Variants in ADAMTS17 observed in about 807,000 individuals in gnomAD.
The protein encoded by ADAMTS17 is A disintegrin and metalloproteinase with thrombospondin motifs 17.
A neutral mutation model predicts 141.5 loss-of-function variants in ADAMTS17; 113 were observed. The observed-to-expected ratio is 0.80, with a 90% confidence interval of 0.69 to 0.93. ADAMTS17 has a LOEUF of 0.93. Among genes scored for constraint, ADAMTS17 ranks in the 40% least tolerant of loss-of-function variants. The pLI is 0.00. For missense variants in ADAMTS17, 1,659 were observed against 1,517.9 expected (o/e 1.09, Z -1.54); for synonymous variants, 768 against 630.6 (o/e 1.22, Z -3.27).
At chr15:100,066,115 C>T (rs902785377) in intron 15 of ADAMTS17, among the ~76,000 whole-genome samples, 22 of 152,118 alleles carry the variant, frequency 1.4e-4, no homozygotes, top group African/African-American at 4.8e-5. Context: ...TTTCTTTATC[C>T]AGTCTATCAT....
chr15:100,324,321 A>G (rs77095411), intron 3 of ADAMTS17, among the ~76,000 whole-genome samples: 4 of 152,174 alleles, frequency 2.6e-5, no homozygotes, highest in Admixed American at 2.6e-4. Flanking sequence ...ATAAATAAAT[A>G]GAAAAAAAAA....
At position 100,310,047 on chromosome 15, in the gene ADAMTS17, G is replaced by A. The variant is rs747551341; in HGVS notation, c.616+20842C>T. Among the ~76,000 whole-genome samples, 12 of 152,292 alleles carry A rather than the reference G, an allele frequency of 7.9e-5. No individual in the cohort carries two copies. The South Asian group carries it at 1.7e-3, about 21-fold the overall frequency. On this transcript the variant is annotated intron_variant, in intron 3 of 21. Transcript: ENST00000268070. ...TCACTGCAACAGCCGAGCCGTCCTC[G>A]AGGCTGGGAAATGCATATTTATACT...
At chr15:100,280,000 G>A (rs2044228532) in intron 4 of ADAMTS17, among the ~76,000 whole-genome samples, 1 of 152,000 alleles carries the variant, frequency 6.6e-6, no homozygotes, top group African/African-American at 2.4e-5. Flanking sequence ...ATCCCCCCCA[G>A]GGCTGGTGCT....
chr15:100,192,544 C>T (rs1226561665), intron 8 of ADAMTS17, among the ~76,000 whole-genome samples: 4 of 152,176 alleles, frequency 2.6e-5, no homozygotes, highest in East Asian at 1.9e-4. Flanking sequence ...CTTTCAATGC[C>T]GGCCCATCTG....
chr15:100,144,498 C>A (rs182878890), intron 10 of ADAMTS17, among the ~76,000 whole-genome samples: 1 of 151,762 alleles, frequency 6.6e-6, no homozygotes. Flanking sequence ...CGCAGTGAGC[C>A]GAGACTGTGC....
intron 7 of ADAMTS17, among the ~76,000 whole-genome samples, chr15:100,245,506 C>T (rs899300046): frequency 6.6e-6 from 1 of 152,206 alleles, no homozygotes; most frequent in Non-Finnish European, 1.5e-5. Context: ...TCTACATCTC[C>T]AAAGGGCTGG....
chr15:99,995,325 A>C (rs1038744670), intron 19 of ADAMTS17, among the ~76,000 whole-genome samples: 3 of 152,122 alleles, frequency 2.0e-5, no homozygotes, highest in African/African-American at 4.8e-5. Context: ...CCTGGCCTCT[A>C]TTTTGCATTG....
At chr15:100,323,608 A>G (rs1277123352) in intron 3 of ADAMTS17, among the ~76,000 whole-genome samples, 1 of 152,200 alleles carries the variant, frequency 6.6e-6, no homozygotes, top group South Asian at 2.1e-4. Context: ...AAACCTAGAG[A>G]ACATTTAAAA....
intron 4 of ADAMTS17, among the ~76,000 whole-genome samples, chr15:100,276,335 T>G (rs1414104512): frequency 1.5e-4 from 2 of 13,738 alleles, no homozygotes; most frequent in Non-Finnish European, 3.0e-4. Context: ...GGTGGGAGGG[T>G]GGGAGGGTGT....
chr15:100,226,707 T>C (rs2042324014), intron 7 of ADAMTS17, among the ~76,000 whole-genome samples: 1 of 152,178 alleles, frequency 6.6e-6, no homozygotes, highest in African/African-American at 2.4e-5. Context: ...ATGATCTCGG[T>C]TGGCATTTTA....
chr15:100,233,628 C>T (rs997242993), intron 7 of ADAMTS17, among the ~76,000 whole-genome samples: 1 of 152,146 alleles, frequency 6.6e-6, no homozygotes, highest in Non-Finnish European at 1.5e-5. Flanking sequence ...GTTCCCATCA[C>T]ACAGGCAAAG....
chr15:100,004,514 A>G (rs1470138233), intron 18 of ADAMTS17, among the ~76,000 whole-genome samples: 1 of 152,170 alleles, frequency 6.6e-6, no homozygotes, highest in Non-Finnish European at 1.5e-5. Context: ...TTACATTGTA[A>G]GCCCTATTTT....
intron 15 of ADAMTS17, among the ~76,000 whole-genome samples, chr15:100,072,892 C>T (rs183867244): frequency 5.6e-4 from 85 of 152,188 alleles, no homozygotes; most frequent in Middle Eastern, 3.4e-3. Context: ...GCAACAAAAG[C>T]CAAAATTGAC....
At chr15:100,015,842 C>T (rs1446391939) in intron 18 of ADAMTS17, among the ~76,000 whole-genome samples, 1 of 152,168 alleles carries the variant, frequency 6.6e-6, no homozygotes, top group Non-Finnish European at 1.5e-5. Context: ...TGACAATGTG[C>T]CTAAGTGATG....
chr15:100,158,410 C>A (rs1396684525), intron 8 of ADAMTS17, among the ~76,000 whole-genome samples: 1 of 152,118 alleles, frequency 6.6e-6, no homozygotes, highest in Non-Finnish European at 1.5e-5. Context: ...AGTATGAATT[C>A]TTTTTTTGAG....
rs554531137 is a variant in ADAMTS17, at chr15:100,094,369, C to A, written c.2137+1987G>T. On this transcript the variant is annotated intron_variant, in intron 15 of 21. Transcript: ENST00000268070. Reference sequence around the variant, plus strand: ...ATTCCAGACAGGGATGTGGCCCAGGCCGGAGTGGATGGAGAAGGGAAAGGG... The same window carrying A: ...ATTCCAGACAGGGATGTGGCCCAGGACGGAGTGGATGGAGAAGGGAAAGGG... Among the ~76,000 whole-genome samples the A allele has an allele frequency of 1.2e-3, 185 of 152,266 alleles. 1 individual carries two copies. The highest frequency in any genetic ancestry group is 4.2e-3 in the African/African-American group (174 of 41,538).
chr15:100,181,986 C>A (rs377650398), intron 8 of ADAMTS17, among the ~76,000 whole-genome samples: 1 of 152,252 alleles, frequency 6.6e-6, no homozygotes, highest in Admixed American at 6.5e-5. Context: ...TGCCAAAACT[C>A]AAGTTCCAAC....
chr15:100,164,644 A>G (rs2039875186), intron 8 of ADAMTS17, among the ~76,000 whole-genome samples: 1 of 152,182 alleles, frequency 6.6e-6, no homozygotes, highest in Non-Finnish European at 1.5e-5. Context: ...GTGCTCTCAG[A>G]GAGCTGTGGC....
intron 3 of ADAMTS17, among the ~76,000 whole-genome samples, chr15:100,312,041 A>C (rs2045422323): frequency 6.6e-6 from 1 of 152,212 alleles, no homozygotes; most frequent in African/African-American, 2.4e-5. Context: ...CGTCCCCAGA[A>C]GGCCATGGGC....
Sources: allele counts gnomAD v4.1 joint callset (sites outside exome capture counted in the v4.1 genomes callset), GRCh38; gene constraint gnomAD v4.1.1; transcripts MANE v1.5; gene names NCBI Gene and HGNC (gene_info 2026-07-23, HGNC 2026-07-21).